Variants in PTPRZ1 observed in about 807,000 individuals in gnomAD.
PTPRZ1 encodes protein tyrosine phosphatase receptor type Z1.
Under a neutral mutation model 214.1 loss-of-function variants are expected in PTPRZ1, and 82 were observed. The observed-to-expected ratio is 0.38, with a 90% CI of 0.32 to 0.46. PTPRZ1 has a LOEUF of 0.46. PTPRZ1 is among the 20% of genes least tolerant of loss of function. PTPRZ1 has a pLI of 1.00. For missense variants in PTPRZ1, 2,603 were observed against 2,748.7 expected (o/e 0.95, Z 1.19); for synonymous variants, 945 against 987.9 (o/e 0.96, Z 0.81).
intron 3 of PTPRZ1, among the ~76,000 whole-genome samples, chr7:121,970,889 C>T (rs939653005): frequency 1.6e-4 from 24 of 152,250 alleles, no homozygotes; most frequent in African/African-American, 5.5e-4. Flanking sequence ...TGCCTATGTC[C>T]TGAATGGTAT....
chr7:121,954,463 T>G (rs964810037), intron 2 of PTPRZ1, among the ~76,000 whole-genome samples: 1 of 152,226 alleles, frequency 6.6e-6, no homozygotes. Flanking sequence ...TTACCTTCAG[T>G]TGGATACCTG....
chr7:121,999,928 CG>C (rs1798269463), intron 10 of PTPRZ1, among the ~76,000 whole-genome samples: 1 of 151,866 alleles, frequency 6.6e-6, no homozygotes, highest in East Asian at 1.9e-4. Flanking sequence ...TTTAAAGGAC[CG>C]GGACACTATT....
intron 8 of PTPRZ1, among the ~76,000 whole-genome samples, chr7:121,990,984 G>A (rs1797944619): frequency 1.3e-5 from 2 of 152,150 alleles, no homozygotes. Context: ...AGGTTTTTCT[G>A]CTAAGAAGCG....
intron 6 of PTPRZ1, among the ~76,000 whole-genome samples, chr7:121,977,934 G>C (rs1797492511): frequency 6.6e-6 from 1 of 152,160 alleles, no homozygotes; most frequent in Non-Finnish European, 1.5e-5. Context: ...CCTTGCACCA[G>C]CCTGTGGGGA....
At chr7:121,990,740 G>C (rs1584718225) in intron 8 of PTPRZ1, among the ~76,000 whole-genome samples, 1 of 151,892 alleles carries the variant, frequency 6.6e-6, no homozygotes, top group South Asian at 2.1e-4. Flanking sequence ...GACTGGTCTC[G>C]AACTCCTGAC....
In PTPRZ1 at chr7:122,036,597, C is replaced by T. The variant is rs1584765023; in HGVS notation, c.5285-3C>T. 6.3e-7 allele frequency: 1 copy of T among 1,580,664 alleles called. No homozygotes were observed. Among genetic ancestry groups the T allele is most frequent in the Non-Finnish European group, 8.7e-7 (1 of 1,150,172 alleles). On this transcript the variant is annotated splice_polypyrimidine_tract_variant and splice_region_variant and intron_variant, in intron 17 of 29. Coordinates refer to ENST00000393386, the MANE Select transcript of PTPRZ1 (RefSeq NM_002851.3). The stretch of plus-strand genomic sequence containing the variant: ...AATGAAATATATTCTCTTTATATTA[C>T]AGATGATCATAGCAGGGTTAAGCTA...
intron 1 of PTPRZ1, among the ~76,000 whole-genome samples, chr7:121,910,646 A>T (rs546738687): frequency 4.6e-5 from 7 of 152,306 alleles, no homozygotes; most frequent in African/African-American, 1.7e-4. Flanking sequence ...AGACTAAAAA[A>T]GGAAGGGAAG....
At chr7:121,972,133 A>G (rs1217329284) in intron 3 of PTPRZ1, among the ~76,000 whole-genome samples, 1 of 151,840 alleles carries the variant, frequency 6.6e-6, no homozygotes, top group Non-Finnish European at 1.5e-5. Context: ...GAAAATAGGA[A>G]GGTGAGAGAA....
chr7:121,936,218 GAT>G (rs1796082139), intron 2 of PTPRZ1, among the ~76,000 whole-genome samples: 1 of 152,116 alleles, frequency 6.6e-6, no homozygotes, highest in Non-Finnish European at 1.5e-5. Flanking sequence ...GGAGCAAAAA[GAT>G]AGAAAAATCA....
At chr7:122,034,001 C>T in intron 15 of PTPRZ1, 94 bp from the exon 16 acceptor site, 1 of 1,125,492 alleles carries the variant, frequency 8.9e-7, no homozygotes, top group South Asian at 1.4e-5. Context: ...CATAGTTTTC[C>T]ATTGTAAACC....
intron 13 of PTPRZ1, among the ~76,000 whole-genome samples, chr7:122,024,241 A>C (rs1321402679): frequency 6.6e-6 from 1 of 151,840 alleles, no homozygotes; most frequent in Non-Finnish European, 1.5e-5. Flanking sequence ...GATTTTCAAA[A>C]GTTTTTTTTT....
At chr7:121,917,908 G>A (rs1175629949) in intron 1 of PTPRZ1, among the ~76,000 whole-genome samples, 1 of 152,094 alleles carries the variant, frequency 6.6e-6, no homozygotes, top group Non-Finnish European at 1.5e-5. Flanking sequence ...TAGTTTTAAT[G>A]AGCAATAGCA....
At chr7:122,028,193 G>T (rs949699892) in intron 13 of PTPRZ1, 1 of 166,756 alleles carries the variant, frequency 6.0e-6, no homozygotes, top group Non-Finnish European at 1.3e-5. Flanking sequence ...CTCTATCCAA[G>T]ATGGCAGGAC....
Position 122,028,614 on chromosome 7 carries a change from C to G in PTPRZ1, c.5051C>G (p.Thr1684Arg). 1 of 1,539,632 alleles carries G rather than the reference C, an allele frequency of 6.5e-7. No homozygotes were observed. The highest frequency in any genetic ancestry group is 9.0e-7 in the Non-Finnish European group (1 of 1,112,668). The change falls in exon 14 of 30, where the codon ACA becomes AGA. Residue 1684 changes from threonine (T) to arginine (R), a missense_variant. Physicochemically the swap from Thr to Arg is moderately conservative, Grantham distance 71. Transcript: ENST00000393386. ...EDSTSPRVISTPPTPIFPISD... is the reference protein window; with the variant it reads ...EDSTSPRVISRPPTPIFPISD... ...AGTACATCCCCTAGAGTTATATCCA[C>G]ACCTCCAACACCTATCTTTCCAATT...
rs149091657 is a variant in PTPRZ1, at chr7:122,011,302, A to G, written c.2256A>G (p.Val752=). The G allele has an allele frequency of 4.4e-5, 71 of 1,614,036 alleles. No individual in the cohort carries two copies. The Admixed American group carries it at 1.2e-3, about 26-fold the overall frequency. Reference sequence around the variant, plus strand: ...TATACTCGCAGACAACCCAACCGGTATACAATGGTGAGACACCTCTTCAAC... The same window carrying G: ...TATACTCGCAGACAACCCAACCGGTGTACAATGGTGAGACACCTCTTCAAC... ...NVVYSQTTQP[V]YNGETPLQPS... is the part of the protein sequence containing the mutation. Residue 752 remains valine, a synonymous_variant, in exon 12 of 30, where the codon GTA becomes GTG. Transcript: ENST00000393386.
chr7:121,950,467 A>G (rs1796517055), intron 2 of PTPRZ1, among the ~76,000 whole-genome samples: 1 of 152,246 alleles, frequency 6.6e-6, no homozygotes, highest in Non-Finnish European at 1.5e-5. Flanking sequence ...ATAGTGATAA[A>G]GAAGCAAAGT....
chr7:122,010,359 A>G lies in PTPRZ1; in HGVS notation c.1313A>G (p.Glu438Gly), dbSNP rs1260638579. 2.5e-6 allele frequency: 4 copies of G among 1,609,226 alleles called. No individual in the cohort carries two copies. The East Asian group carries it at 6.7e-5, about 27-fold the overall frequency. ...GAGGAGGAAGAGGGAAAAGACATTG[A>G]AGAAGGCGCTATTGTGAATCCTGGT... ...IKEEEEGKDI[E>G]EGAIVNPGRD... The change falls in exon 12 of 30, where the codon GAA becomes GGA. Residue 438 changes from glutamate (E) to glycine (G), a missense_variant. By Grantham distance (98) the Glu-to-Gly change is moderately conservative. Around this residue, in one of 6 missense-constraint regions of PTPRZ1, gnomAD observed 1,913 missense variants for 1,914.3 expected, o/e 1.00. Coordinates refer to ENST00000393386, the MANE Select transcript of PTPRZ1 (RefSeq NM_002851.3).
chr7:122,001,377 C>T (rs1798317544), intron 10 of PTPRZ1, among the ~76,000 whole-genome samples: 1 of 152,084 alleles, frequency 6.6e-6, no homozygotes, highest in Non-Finnish European at 1.5e-5. Context: ...AGCTAATTAA[C>T]ATACAGCTCT....
chr7:122,011,284 G>T lies in PTPRZ1; in HGVS notation c.2238G>T (p.Ser746=), dbSNP rs749524246. Residue 746 remains serine, a synonymous_variant, in exon 12 of 30, where the codon TCG becomes TCT. Transcript: ENST00000393386. ...DLVSTVNVVY[S]QTTQPVYNGE... is the part of the protein sequence containing the mutation. The stretch of plus-strand genomic sequence containing the variant: ...TCTCCACGGTCAACGTGGTATACTC[G>T]CAGACAACCCAACCGGTATACAATG... The T allele has an allele frequency of 2.2e-5, 36 of 1,613,804 alleles. No individual in the cohort carries two copies. Among genetic ancestry groups the T allele is most frequent in the Non-Finnish European group, 2.8e-5 (33 of 1,179,964 alleles).
Sources: allele counts gnomAD v4.1 joint callset (sites outside exome capture counted in the v4.1 genomes callset), GRCh38; gene constraint gnomAD v4.1.1; regional missense constraint gnomAD v4.1.1; transcripts MANE v1.5; gene names NCBI Gene and HGNC (gene_info 2026-07-23, HGNC 2026-07-21).